The following SPOCK1 variants were observed in gnomAD, a reference collection of about 807,000 sequenced individuals.
SPOCK1 encodes the protein testican-1.
SPOCK1 carries 23 observed loss-of-function variants against 55.3 expected under a neutral mutation model. The ratio of observed to expected loss-of-function variants is 0.42; its 90% CI spans 0.30 to 0.59. The LOEUF (loss-of-function observed/expected upper bound fraction) is 0.59. Ranked by LOEUF, SPOCK1 falls within the 20% of genes least tolerant of loss-of-function variation. The probability of loss-of-function intolerance (pLI) is 0.22; values close to 1 mark genes in which losing one functional copy is unlikely to be tolerated. For missense variants in SPOCK1, 499 were observed against 552.5 expected, an observed-to-expected ratio of 0.90 and a Z score of 0.97; for synonymous variants, 226 against 221.0, an observed-to-expected ratio of 1.02 and a Z score of -0.20.
At chr5:137,215,922 G>A (rs144457071) in intron 3 of SPOCK1, among the ~76,000 whole-genome samples, 2 of 152,204 alleles carry the variant, frequency 1.3e-5, no homozygotes, top group African/African-American at 4.8e-5. Flanking sequence ...TGTTTAAAGA[G>A]ATCAGTGGCT....
chr5:137,180,010 C>T (rs141698380), intron 3 of SPOCK1, among the ~76,000 whole-genome samples: 116 of 152,296 alleles, frequency 7.6e-4, no homozygotes, highest in African/African-American at 2.4e-3. Flanking sequence ...TACAATGTGA[C>T]TGCTAGCATC....
At chr5:137,263,864 A>G (rs1262676795) in intron 3 of SPOCK1, among the ~76,000 whole-genome samples, 1 of 152,182 alleles carries the variant, frequency 6.6e-6, no homozygotes, top group East Asian at 1.9e-4. Flanking sequence ...CAAGTTAAAG[A>G]CATTCTGAGT....
chr5:137,473,145 A>G (rs1278588681), intron 2 of SPOCK1, among the ~76,000 whole-genome samples: 3 of 152,244 alleles, frequency 2.0e-5, no homozygotes, highest in Non-Finnish European at 4.4e-5. Context: ...ACATGAAACA[A>G]TAAATGCACA....
At chr5:137,199,267 A>G (rs1755364564) in intron 3 of SPOCK1, among the ~76,000 whole-genome samples, 1 of 152,192 alleles carries the variant, frequency 6.6e-6, no homozygotes, top group African/African-American at 2.4e-5. Context: ...GTTCAGAAGA[A>G]CATGGCATCA....
chr5:137,267,455 T>C (rs1201780196), intron 2 of SPOCK1, among the ~76,000 whole-genome samples: 2 of 152,190 alleles, frequency 1.3e-5, no homozygotes, highest in Non-Finnish European at 2.9e-5. Flanking sequence ...CTGTCAACAT[T>C]TCTTTTACAT....
intron 3 of SPOCK1, among the ~76,000 whole-genome samples, chr5:137,181,020 A>C (rs898358637): frequency 9.2e-5 from 14 of 152,180 alleles, no homozygotes; most frequent in African/African-American, 3.4e-4. Flanking sequence ...AGGTGACACC[A>C]AGATCATCAG....
intron 3 of SPOCK1, among the ~76,000 whole-genome samples, chr5:137,185,222 G>T (rs1305094463): frequency 1.3e-5 from 2 of 152,190 alleles, no homozygotes; most frequent in East Asian, 3.8e-4. Flanking sequence ...TATCCTGGGT[G>T]GCCAGAGACT....
chr5:137,416,941 T>C (rs1752347705), intron 2 of SPOCK1, among the ~76,000 whole-genome samples: 1 of 152,216 alleles, frequency 6.6e-6, no homozygotes, highest in South Asian at 2.1e-4. Context: ...TATTTGATTA[T>C]TTTGAATATT....
At chr5:137,263,965 G>T (rs1489813948) in intron 3 of SPOCK1, among the ~76,000 whole-genome samples, 1 of 152,136 alleles carries the variant, frequency 6.6e-6, no homozygotes, top group Non-Finnish European at 1.5e-5. Flanking sequence ...ATGAAGCCCT[G>T]TTGTTCAAAG....
In SPOCK1 at chr5:136,988,432, C is replaced by T; in HGVS notation, c.918G>A (p.Gln306=). ...LSNNEWCYCF[Q]KPGGLPCQNE... ...TCCATCCCACCTTACCTCCAGGCTT[C>T]TGGAAGCAGTAGCACCACTCATTGT... Residue 306 remains glutamine (Q), a synonymous_variant, in exon 8 of 11, where the codon CAG becomes CAA. Coordinates refer to ENST00000394945, the MANE Select transcript of SPOCK1 (RefSeq NM_004598.4). The T allele has an allele frequency of 6.2e-7, 1 of 1,613,742 alleles. No homozygotes were observed. Among genetic ancestry groups the T allele is most frequent in the South Asian group, 1.1e-5 (1 of 91,084 alleles).
chr5:137,297,773 A>G (rs1757516950), intron 2 of SPOCK1, among the ~76,000 whole-genome samples: 1 of 152,182 alleles, frequency 6.6e-6, no homozygotes, highest in Non-Finnish European at 1.5e-5. Flanking sequence ...AAGATCTAGG[A>G]GGTCAGTGAA....
intron 2 of SPOCK1, among the ~76,000 whole-genome samples, chr5:137,388,874 T>C (rs1198549229): frequency 6.6e-6 from 1 of 152,202 alleles, no homozygotes; most frequent in African/African-American, 2.4e-5. Flanking sequence ...CACTCACAGC[T>C]GTGACACTGA....
At chr5:137,102,028 C>A (rs1332080132) in intron 5 of SPOCK1, among the ~76,000 whole-genome samples, 3 of 152,170 alleles carry the variant, frequency 2.0e-5, no homozygotes, top group African/African-American at 7.2e-5. Context: ...TCAAACCAGG[C>A]TCATGCGGCC....
At chr5:137,304,788 G>A (rs1580857018) in intron 2 of SPOCK1, among the ~76,000 whole-genome samples, 1 of 152,196 alleles carries the variant, frequency 6.6e-6, no homozygotes, top group African/African-American at 2.4e-5. Flanking sequence ...TCTACCGTGA[G>A]TGGCTGTGTG....
chr5:137,066,435 G>A (rs991637196), intron 6 of SPOCK1, among the ~76,000 whole-genome samples: 4 of 152,104 alleles, frequency 2.6e-5, no homozygotes, highest in Non-Finnish European at 2.9e-5. Context: ...CACCACACCC[G>A]GCTGGCAACA....
chr5:137,211,212 T>A (rs532070948), intron 3 of SPOCK1, among the ~76,000 whole-genome samples: 1 of 152,146 alleles, frequency 6.6e-6, no homozygotes, highest in East Asian at 1.9e-4. Flanking sequence ...CTGGATCCCA[T>A]TGGTGCATAG....
rs560084077 is a variant in SPOCK1 at position 137,171,677 on chromosome 5, A to T, written c.233-30983T>A. On this transcript the variant is annotated intron_variant, in intron 3 of 10. Transcript: ENST00000394945. ...AGTAAAAATAATAATAATAAAGACA[A>T]GAGAGGAAAACCTCACGCTGGCACA... Among the ~76,000 whole-genome samples the T allele has an allele frequency of 2.3e-3, 354 of 152,278 alleles. 2 individuals are homozygous for T. The highest frequency in any genetic ancestry group is 7.9e-3 in the African/African-American group (329 of 41,574).
chr5:137,466,969 G>A (rs1753635444), intron 2 of SPOCK1, among the ~76,000 whole-genome samples: 1 of 152,232 alleles, frequency 6.6e-6, no homozygotes, highest in Admixed American at 6.5e-5. Context: ...GGAGGGAGGA[G>A]CCACTTCACA....
At chr5:137,312,537 T>C (rs1018699994) in intron 2 of SPOCK1, among the ~76,000 whole-genome samples, 8 of 152,172 alleles carry the variant, frequency 5.3e-5, no homozygotes, top group African/African-American at 1.9e-4. Flanking sequence ...TTGTTGTTGT[T>C]GTTTTCTCTT....
Sources: allele counts gnomAD v4.1 joint callset (sites outside exome capture counted in the v4.1 genomes callset), GRCh38; gene constraint gnomAD v4.1.1; transcripts MANE v1.5; gene names NCBI Gene and HGNC (gene_info 2026-07-23, HGNC 2026-07-21).